Variants in CECR2 observed in about 807,000 individuals in gnomAD.
CECR2 encodes chromatin remodeling regulator CECR2.
CECR2 carries 30 observed loss-of-function variants against 154.5 expected under a neutral mutation model. The ratio of observed to expected loss-of-function variants is 0.19; its 90% CI spans 0.15 to 0.26. The LOEUF is 0.26. Among genes scored for constraint, CECR2 ranks in the 10% least tolerant of loss-of-function variants. The probability of loss-of-function intolerance (pLI) is 1.00; values close to 1 mark genes in which losing one functional copy is unlikely to be tolerated. For missense variants in CECR2, 1,743 were observed against 1,829.3 expected (o/e 0.95, Z 0.86); for synonymous variants, 725 against 683.7 (o/e 1.06, Z -0.94).
At chr22:17,470,703 G>C (rs1169741210) in intron 1 of CECR2, among the ~76,000 whole-genome samples, 2 of 152,024 alleles carry the variant, frequency 1.3e-5, no homozygotes, top group Admixed American at 1.3e-4. Context: ...TACTGACTGT[G>C]TGTCTGAAAC....
chr22:17,480,453 CACACACAG>C (rs2055289222), intron 2 of CECR2, among the ~76,000 whole-genome samples: 1 of 147,498 alleles, frequency 6.8e-6, no homozygotes, highest in African/African-American at 2.5e-5. Context: ...CACACACACA[CACACACAG>C]AGAAAAGTGC....
At chr22:17,543,544 T>G (rs569924565) in intron 16 of CECR2, among the ~76,000 whole-genome samples, 1 of 150,678 alleles carries the variant, frequency 6.6e-6, no homozygotes, top group Non-Finnish European at 1.5e-5. Flanking sequence ...GCGCTTGCTG[T>G]GCCAGGCACT....
At chr22:17,429,549 AAC>A (rs1483058880) in intron 1 of CECR2, among the ~76,000 whole-genome samples, 1 of 140,612 alleles carries the variant, frequency 7.1e-6, no homozygotes, top group African/African-American at 3.0e-5. Context: ...CAAAAACAAA[AAC>A]AAAAACAAAG....
At chr22:17,549,869 T>A (rs1175180861) in intron 17 of CECR2, among the ~76,000 whole-genome samples, 2 of 141,916 alleles carry the variant, frequency 1.4e-5, no homozygotes, top group African/African-American at 5.2e-5. Flanking sequence ...CAAGTCATCC[T>A]CCTGCCTCAG....
chr22:17,549,793 T>TTG (rs2056680285), intron 17 of CECR2, among the ~76,000 whole-genome samples: 1 of 147,504 alleles, frequency 6.8e-6, no homozygotes, highest in Non-Finnish European at 1.5e-5. Flanking sequence ...GGTTTTTTTT[T>TTG]TTTTTTTTTT....
rs933278114 is a variant in CECR2 at position 17,499,138 on chromosome 22, C to T, written c.406-272C>T. ...CCGAGTAGCTGGGATTACAGGCGCGCGCCACCACGCCCAGCTGATTTTTTG... is the reference window on the plus strand; with the variant it reads ...CCGAGTAGCTGGGATTACAGGCGCGTGCCACCACGCCCAGCTGATTTTTTG... On this transcript the variant is annotated intron_variant, in intron 3 of 18. Transcript: ENST00000262608. Among the ~76,000 whole-genome samples the T allele has an allele frequency of 4.6e-5, 7 of 151,700 alleles. No individual in the cohort carries two copies. In the East Asian group the frequency reaches 5.8e-4, roughly 13 times the overall value.
At chr22:17,511,116 T>C (rs1449821318) in intron 7 of CECR2, among the ~76,000 whole-genome samples, 1 of 152,226 alleles carries the variant, frequency 6.6e-6, no homozygotes, top group Non-Finnish European at 1.5e-5. Context: ...GGAAGGCCTT[T>C]GCTTGTTACC....
rs928049165 is a variant in CECR2 at position 17,438,372 on chromosome 22, C to G, written c.127-39216C>G. Among the ~76,000 whole-genome samples the G allele has an allele frequency of 3.2e-4, 49 of 152,310 alleles. 1 individual carries two copies. Among genetic ancestry groups the G allele is most frequent in the Middle Eastern group, 3.4e-3 (1 of 292 alleles). ...ATGTTTTGGGTTGAAAATATTTAAT[C>G]ACTTTGATGAGACTTGTCGACTGAC... is the stretch of plus-strand genomic sequence containing the variant. On this transcript the variant is annotated intron_variant, in intron 1 of 18. Transcript: ENST00000262608.
At chr22:17,403,109 G>A (rs994369021) in intron 1 of CECR2, among the ~76,000 whole-genome samples, 1 of 152,162 alleles carries the variant, frequency 6.6e-6, no homozygotes, top group Non-Finnish European at 1.5e-5. Flanking sequence ...GACATCGCAT[G>A]TCTCCTTAAG....
intron 1 of CECR2, among the ~76,000 whole-genome samples, chr22:17,471,277 C>G (rs1231785301): frequency 6.6e-6 from 1 of 152,126 alleles, no homozygotes; most frequent in African/African-American, 2.4e-5. Flanking sequence ...CTGAGGCTGT[C>G]TGTGGTCAGC....
chr22:17,532,988 T>C (rs768318246), intron 9 of CECR2, among the ~76,000 whole-genome samples: 32 of 151,922 alleles, frequency 2.1e-4, no homozygotes, highest in Non-Finnish European at 3.7e-4. Flanking sequence ...CTCATTATTA[T>C]TCTATAAATG....
rs191223804 is a variant in CECR2 at position 17,446,338 on chromosome 22, G to A, written c.127-31250G>A. 3.5e-3 allele frequency among the ~76,000 whole-genome samples: 538 copies of A among 152,310 alleles called. 3 individuals carry two copies. Among genetic ancestry groups the A allele is most frequent in the South Asian group, 0.012 (60 of 4,826 alleles). ...TAGCTATGATTGTGCTGTGTCCAGAGTTGGTTCCTTCCGGTGGGTTCTTGG... is the reference window on the plus strand; with the variant it reads ...TAGCTATGATTGTGCTGTGTCCAGAATTGGTTCCTTCCGGTGGGTTCTTGG... On this transcript the variant is annotated intron_variant, in intron 1 of 18. Transcript: ENST00000262608.
intron 1 of CECR2, among the ~76,000 whole-genome samples, chr22:17,411,533 C>T (rs1372961311): frequency 6.6e-6 from 1 of 152,092 alleles, no homozygotes; most frequent in African/African-American, 2.4e-5. Flanking sequence ...ATAGATTTGG[C>T]AATGTTAGAT....
At chr22:17,500,779 G>A (rs1388985473) in intron 5 of CECR2, 44 bp downstream of exon 5, 12 of 1,307,064 alleles carry the variant, frequency 9.2e-6, no homozygotes, top group Non-Finnish European at 1.3e-5. Flanking sequence ...ATGGCAGAAG[G>A]GACCTTAATT....
intron 1 of CECR2, among the ~76,000 whole-genome samples, chr22:17,447,695 C>T (rs922951627): frequency 6.7e-6 from 1 of 149,984 alleles, no homozygotes; most frequent in Non-Finnish European, 1.5e-5. Flanking sequence ...CGGTGGGGGG[C>T]TTTAGTTTAC....
At chr22:17,363,380 G>C (rs553650699) in intron 1 of CECR2, among the ~76,000 whole-genome samples, 1 of 152,060 alleles carries the variant, frequency 6.6e-6, no homozygotes, top group South Asian at 2.1e-4. Flanking sequence ...TAATTTTTTT[G>C]TATTTTTAGT....
At chr22:17,362,672 C>G (rs2146420373) in intron 1 of CECR2, among the ~76,000 whole-genome samples, 1 of 151,886 alleles carries the variant, frequency 6.6e-6, no homozygotes, top group Non-Finnish European at 1.5e-5. Flanking sequence ...GGGAGGCCAA[C>G]AGGGGTGGAT....
intron 1 of CECR2, among the ~76,000 whole-genome samples, chr22:17,446,281 C>G (rs534947435): frequency 6.6e-6 from 1 of 152,126 alleles, no homozygotes; most frequent in Non-Finnish European, 1.5e-5. Flanking sequence ...GAGGCTGGGG[C>G]AGGAGGATTG....
intron 2 of CECR2, among the ~76,000 whole-genome samples, chr22:17,497,170 C>T (rs928977190): frequency 6.6e-6 from 1 of 152,028 alleles, no homozygotes; most frequent in Non-Finnish European, 1.5e-5. Context: ...TGGTGCATGC[C>T]TGTGGTCCCA....
Sources: allele counts gnomAD v4.1 joint callset (sites outside exome capture counted in the v4.1 genomes callset), GRCh38; gene constraint gnomAD v4.1.1; transcripts MANE v1.5; gene names NCBI Gene and HGNC (gene_info 2026-07-23, HGNC 2026-07-21).